The following AGMAT variants were observed in gnomAD, a reference collection of about 807,000 sequenced individuals.
The protein encoded by AGMAT is guanidino acid hydrolase, mitochondrial.
In AGMAT, 37 loss-of-function variants were observed where a neutral mutation model predicts 29.3. That is an observed-to-expected ratio of 1.26 (90% CI 0.97 to 1.66). AGMAT has a LOEUF of 1.66. AGMAT is among the 40% of genes most tolerant of loss of function. AGMAT has a pLI of 0.00. For missense variants in AGMAT, 498 were observed against 497.8 expected, an observed-to-expected ratio of 1.00 and a Z score of 0.00; for synonymous variants, 199 against 200.8, an observed-to-expected ratio of 0.99 and a Z score of 0.08.
intron 1 of AGMAT, among the ~76,000 whole-genome samples, chr1:15,584,238 G>A (rs1639152637): frequency 6.6e-6 from 1 of 152,196 alleles, no homozygotes; most frequent in Admixed American, 6.5e-5. Flanking sequence ...CGTCTCCCGG[G>A]TTCAAGCGAT....
At chr1:15,582,276 G>GA (rs1222463219) in intron 2 of AGMAT, among the ~76,000 whole-genome samples, 63 of 139,740 alleles carry the variant, frequency 4.5e-4, no homozygotes, top group African/African-American at 5.5e-4. Flanking sequence ...CAAAAAAAAA[G>GA]AAAAAAAAAA....
intron 6 of AGMAT, among the ~76,000 whole-genome samples, chr1:15,574,270 T>G (rs1266676501): frequency 6.6e-6 from 1 of 151,760 alleles, no homozygotes; most frequent in Non-Finnish European, 1.5e-5. Flanking sequence ...CTCCTGGGGG[T>G]TTTGTTAGGG....
intron 3 of AGMAT, 111 bp downstream of exon 3, chr1:15,579,983 G>T: frequency 2.1e-6 from 2 of 970,574 alleles, no homozygotes; most frequent in Non-Finnish European, 3.4e-6. Flanking sequence ...CCCAGAAGCA[G>T]CTCATAACCT....
Position 15,574,848 on chromosome 1 carries a change from A to G in AGMAT, c.901-7T>C. The G allele has an allele frequency of 5.6e-6, 9 of 1,611,978 alleles. 2 individuals carry two copies. The South Asian group carries it at 9.9e-5, about 18-fold the overall frequency. On this transcript the variant is annotated splice_polypyrimidine_tract_variant and splice_region_variant and intron_variant, in intron 5 of 6. Transcript: ENST00000375826. ...CCCTGATGATCTCCAGAGCCTATTC[A>G]AGATCAAGACTGAGTTGTCCACAGT...
chr1:15,582,458 A>G (rs1639128960), intron 2 of AGMAT, among the ~76,000 whole-genome samples: 1 of 152,196 alleles, frequency 6.6e-6, no homozygotes, highest in South Asian at 2.1e-4. Context: ...CTGAGACTTC[A>G]AACCATGCCA....
intron 2 of AGMAT, among the ~76,000 whole-genome samples, chr1:15,582,144 C>T (rs1639124163): frequency 7.1e-6 from 1 of 140,658 alleles, no homozygotes; most frequent in South Asian, 2.2e-4. Flanking sequence ...TGGCGGGCGC[C>T]TATAATCCCA....
chr1:15,579,993 T>A, intron 3 of AGMAT, 101 bp downstream of exon 3: 4 of 1,102,664 alleles, frequency 3.6e-6, no homozygotes, highest in Non-Finnish European at 5.6e-6. Flanking sequence ...GCTCATAACC[T>A]GAGCCAGCAG....
intron 5 of AGMAT, 65 bp downstream of exon 5, chr1:15,577,620 A>C: frequency 6.8e-7 from 1 of 1,470,088 alleles, no homozygotes; most frequent in Non-Finnish European, 9.3e-7. Context: ...ATTCGCTTCA[A>C]GTCCCAGGAA....
At chr1:15,583,421 A>T in intron 1 of AGMAT, 26 bp from the exon 2 acceptor site, 3 of 1,595,560 alleles carry the variant, frequency 1.9e-6, no homozygotes, top group Non-Finnish European at 2.6e-6. Context: ...TCATCCTGTC[A>T]GCCATCATCT....
intron 2 of AGMAT, among the ~76,000 whole-genome samples, chr1:15,580,897 C>T (rs1639104998): frequency 6.6e-6 from 1 of 152,000 alleles, no homozygotes; most frequent in Non-Finnish European, 1.5e-5. Flanking sequence ...ATCACTTGAA[C>T]CCAGGAAGCG....
chr1:15,574,938 G>A, intron 5 of AGMAT, 97 bp from the exon 6 acceptor site: 1 of 929,704 alleles, frequency 1.1e-6, no homozygotes, highest in East Asian at 2.6e-5. Context: ...CCTTTGACTT[G>A]GAATTGGCTT....
chr1:15,580,435 C>T (rs1361113617), intron 2 of AGMAT, among the ~76,000 whole-genome samples: 1 of 151,678 alleles, frequency 6.6e-6, no homozygotes, highest in Non-Finnish European at 1.5e-5. Context: ...AAACTCCTGA[C>T]CTCAAGTGAT....
At position 15,572,590 on chromosome 1, in the gene AGMAT, C is replaced by T. The variant is rs1638972510; in HGVS notation, c.*1061G>A. 1 of 151,824 alleles carries T rather than the reference C, an allele frequency of 6.6e-6. No individual in the cohort carries two copies. The allele number at this position is 151,824 out of a possible 1,614,324, so 9.4% of individuals were successfully genotyped here. The stretch of plus-strand genomic sequence containing the variant: ...GGCCAGGCTGGTCTCGAACTCCTGA[C>T]CTCAAGTGATCTGCCCACCTCCGCC... On this transcript the variant is annotated 3_prime_UTR_variant, in exon 7 of 7. Coordinates refer to ENST00000375826, the MANE Select transcript of AGMAT (RefSeq NM_024758.5).
At chr1:15,575,520 CTT>C (rs1020788571) in intron 5 of AGMAT, 1 of 152,424 alleles carries the variant, frequency 6.6e-6, no homozygotes, top group African/African-American at 2.4e-5. Context: ...TCTCAAATGT[CTT>C]TGAGTGCCTA....
rs751880059 is a variant in AGMAT at position 15,583,357 on chromosome 1, A to G, written c.311T>C (p.Leu104Pro). Residue 104 changes from leucine (L) to proline (P), a missense_variant, in exon 2 of 7, where the codon CTT becomes CCT. Coordinates refer to ENST00000375826, the MANE Select transcript of AGMAT (RefSeq NM_024758.5). ...PRRIREESVM[L>P]GTVNPSTGAL... Reference sequence around the variant, plus strand: ...CCCCGTGCTAGGATTGACTGTCCCAAGCATCACTGATTCTTCCCGGATGCG... The same window carrying G: ...CCCCGTGCTAGGATTGACTGTCCCAGGCATCACTGATTCTTCCCGGATGCG... 7.4e-6 allele frequency: 12 copies of G among 1,614,066 alleles called. No homozygotes were observed. The South Asian group carries it at 1.2e-4, about 16-fold the overall frequency.
In AGMAT at chr1:15,577,635, G is replaced by A. The variant is rs373560446; in HGVS notation, c.900+50C>T. ...ATTCGCTTCAAGTCCCAGGAAAATG[G>A]GTGTTAAGTGTCTCCACCCCCAGGA... On this transcript the variant is annotated intron_variant, in intron 5 of 6. Coordinates refer to ENST00000375826, the MANE Select transcript of AGMAT (RefSeq NM_024758.5). 60 of 1,518,762 alleles carry A rather than the reference G, an allele frequency of 4.0e-5. No individual in the cohort carries two copies. The African/African-American group carries it at 7.3e-4, about 19-fold the overall frequency. The allele number at this position is 1,518,762 out of a possible 1,614,324, so 94.1% of individuals were successfully genotyped here. A position where few individuals can be genotyped will look rare whatever the true frequency, so the allele number is the denominator to read the frequency against.
At chr1:15,583,164 C>T (rs1449479919) in intron 2 of AGMAT, 29 bp downstream of exon 2, 2 of 1,609,396 alleles carry the variant, frequency 1.2e-6, no homozygotes, top group African/African-American at 2.7e-5. Flanking sequence ...GTGCAGGGAA[C>T]TACTCTGGCT....
intron 2 of AGMAT, among the ~76,000 whole-genome samples, chr1:15,581,615 C>T (rs1450941132): frequency 7.6e-6 from 1 of 132,320 alleles, no homozygotes; most frequent in Admixed American, 7.4e-5. Flanking sequence ...TGGCTCACGC[C>T]TGTAATCCCA....
In AGMAT at chr1:15,580,273, T is replaced by C. The variant is rs947764495; in HGVS notation, c.476-131A>G. 3 of 724,290 alleles carry C rather than the reference T, an allele frequency of 4.1e-6. No individual in the cohort carries two copies. The African/African-American group carries it at 5.7e-5, about 14-fold the overall frequency. 44.9% of individuals were successfully genotyped at this position (724,290 alleles called of 1,614,324 possible). On this transcript the variant is annotated intron_variant, in intron 2 of 6. Coordinates refer to ENST00000375826, the MANE Select transcript of AGMAT (RefSeq NM_024758.5). ...CAGGCTGGAGTTCAATGGCACAATCTCGGCTCACTGCAACCTCTGCCTCCC... is the reference window on the plus strand; with the variant it reads ...CAGGCTGGAGTTCAATGGCACAATCCCGGCTCACTGCAACCTCTGCCTCCC...
Sources: allele counts gnomAD v4.1 joint callset (sites outside exome capture counted in the v4.1 genomes callset), GRCh38; gene constraint gnomAD v4.1.1; transcripts MANE v1.5; gene names NCBI Gene and HGNC (gene_info 2026-07-23, HGNC 2026-07-21).